The following SEZ6L variants were observed in gnomAD, a reference collection of about 807,000 sequenced individuals.
SEZ6L encodes the protein seizure 6-like protein.
In SEZ6L, 37 loss-of-function variants were observed where a neutral mutation model predicts 106.2. The ratio of observed to expected loss-of-function variants is 0.35; its 90% confidence interval spans 0.27 to 0.46. SEZ6L has a LOEUF of 0.46. Ranked by LOEUF, SEZ6L falls within the 20% of genes least tolerant of loss-of-function variation. The pLI is 1.00. For missense variants in SEZ6L, 1,172 were observed against 1,332.8 expected, an observed-to-expected ratio of 0.88 and a Z score of 1.88; for synonymous variants, 541 against 570.4, an observed-to-expected ratio of 0.95 and a Z score of 0.73.
rs145535041 is a variant in SEZ6L, at chr22:26,250,339, T to A, written c.95-42067T>A. ...CTTTATCATTTTGAGTTGATTTTTG[T>A]ATATGATAAGAGATAGGGGTCTACT... On this transcript the variant is annotated intron_variant, in intron 1 of 16. Coordinates refer to ENST00000248933, the MANE Select transcript of SEZ6L (RefSeq NM_021115.5). Among the ~76,000 whole-genome samples the A allele has an allele frequency of 3.1e-3, 469 of 152,324 alleles. 3 individuals carry two copies. Among genetic ancestry groups the A allele is most frequent in the African/African-American group, 0.01 (435 of 41,574 alleles).
chr22:26,376,863 A>G (rs1202933680), intron 15 of SEZ6L, among the ~76,000 whole-genome samples: 1 of 152,248 alleles, frequency 6.6e-6, no homozygotes, highest in Non-Finnish European at 1.5e-5. Context: ...CCCTGCCCTT[A>G]TGGAGCCCAC....
intron 12 of SEZ6L, chr22:26,364,706 G>C (rs987519797): frequency 6.6e-6 from 1 of 152,304 alleles, no homozygotes; most frequent in Non-Finnish European, 1.5e-5. Context: ...GCTCTGATAG[G>C]CTCATCTCCA....
intron 16 of SEZ6L, among the ~76,000 whole-genome samples, chr22:26,379,190 C>A (rs979172988): frequency 6.6e-6 from 1 of 152,256 alleles, no homozygotes; most frequent in Non-Finnish European, 1.5e-5. Flanking sequence ...CCCGCAGTTT[C>A]TTCCATGTGG....
At position 26,231,704 on chromosome 22, in the gene SEZ6L, G is replaced by A. The variant is rs201518656; in HGVS notation, c.95-60702G>A. Among the ~76,000 whole-genome samples the A allele has an allele frequency of 5.9e-5, 9 of 152,150 alleles. No individual in the cohort carries two copies. The East Asian group carries it at 1.7e-3, about 29-fold the overall frequency. On this transcript the variant is annotated intron_variant, in intron 1 of 16. Transcript: ENST00000248933. ...CCAGGAGACAGATCATTCATCACCCGCCCTGCCTTGGCATCTGGCTCCGCA... is the reference window on the plus strand; with the variant it reads ...CCAGGAGACAGATCATTCATCACCCACCCTGCCTTGGCATCTGGCTCCGCA...
At position 26,232,346 on chromosome 22, in the gene SEZ6L, TCACACACACACACACACACA is replaced by T. The variant is rs10654892; in HGVS notation, c.95-60030_95-60011del. On this transcript the variant is annotated intron_variant, in intron 1 of 16. Coordinates refer to ENST00000248933, the MANE Select transcript of SEZ6L (RefSeq NM_021115.5). ...TTAAGTCTCTCTCTCTCTCTGTCTT[TCACACACACACACACACACA>T]CACACACACACACACACACACACAC... Among the ~76,000 whole-genome samples the T allele has an allele frequency of 4.7e-4, 62 of 133,268 alleles. No homozygotes were observed. In the East Asian group the frequency reaches 5.0e-3, roughly 11 times the overall value. The allele number at this position is 133,268 out of a possible 152,430, so 87.4% of individuals were successfully genotyped here. A position where few individuals can be genotyped will look rare whatever the true frequency, so the allele number is the denominator to read the frequency against.
chr22:26,361,865 C>A (rs982825348), intron 12 of SEZ6L, among the ~76,000 whole-genome samples: 1 of 152,020 alleles, frequency 6.6e-6, no homozygotes, highest in South Asian at 2.1e-4. Flanking sequence ...GGGCACCTAC[C>A]CTGTACCAGG....
At chr22:26,292,043 G>A (rs570494488) in intron 1 of SEZ6L, among the ~76,000 whole-genome samples, 2 of 125,380 alleles carry the variant, frequency 1.6e-5, no homozygotes, top group East Asian at 4.0e-4. Context: ...AAGGATGGAT[G>A]GAAGGAAAGA....
At chr22:26,216,921 G>A (rs2078315402) in intron 1 of SEZ6L, among the ~76,000 whole-genome samples, 1 of 152,104 alleles carries the variant, frequency 6.6e-6, no homozygotes, top group Admixed American at 6.5e-5. Flanking sequence ...TAACCAGGAG[G>A]GAAGTGGTAG....
At chr22:26,348,600 G>GAGAA (rs1569473451) in intron 11 of SEZ6L, among the ~76,000 whole-genome samples, 1 of 65,542 alleles carries the variant, frequency 1.5e-5, no homozygotes, top group African/African-American at 9.4e-5. Context: ...AAGAAAGAAA[G>GAGAA]AAAGAAAGAG....
chr22:26,380,830 T>A lies in SEZ6L; in HGVS notation c.*535T>A, dbSNP rs921351095. On this transcript the variant is annotated 3_prime_UTR_variant, in exon 17 of 17. Coordinates refer to ENST00000248933, the MANE Select transcript of SEZ6L (RefSeq NM_021115.5). ...TCCCATTTTGCCAGCTTCTGAAAGGTTTTTCCACAGCCCCTCCCTCTCACG... is the reference window on the plus strand; with the variant it reads ...TCCCATTTTGCCAGCTTCTGAAAGGATTTTCCACAGCCCCTCCCTCTCACG... 4.6e-5 allele frequency: 7 copies of A among 152,782 alleles called. No homozygotes were observed. Among genetic ancestry groups the A allele is most frequent in the African/African-American group, 1.4e-4 (6 of 41,442 alleles). 9.5% of individuals were successfully genotyped at this position (152,782 alleles called of 1,614,324 possible). A position where few individuals can be genotyped will look rare whatever the true frequency, so the allele number is the denominator to read the frequency against.
intron 16 of SEZ6L, 90 bp downstream of exon 16, chr22:26,377,865 C>A: frequency 2.0e-6 from 2 of 1,008,670 alleles, no homozygotes; most frequent in Non-Finnish European, 3.1e-6. Flanking sequence ...TTTCCTATTG[C>A]TCACAAGAGG....
At chr22:26,246,181 T>C (rs2079336263) in intron 1 of SEZ6L, among the ~76,000 whole-genome samples, 1 of 152,220 alleles carries the variant, frequency 6.6e-6, no homozygotes, top group South Asian at 2.1e-4. Context: ...ACACTGGGTC[T>C]GGGTTCCATG....
intron 13 of SEZ6L, among the ~76,000 whole-genome samples, chr22:26,367,800 C>A (rs1455849926): frequency 6.6e-6 from 1 of 152,176 alleles, no homozygotes; most frequent in Non-Finnish European, 1.5e-5. Flanking sequence ...ATACTCTTAA[C>A]GCCCCCAGTT....
chr22:26,325,162 G>T (rs1229450996), intron 9 of SEZ6L, among the ~76,000 whole-genome samples: 3 of 152,176 alleles, frequency 2.0e-5, no homozygotes, highest in Admixed American at 6.5e-5. Flanking sequence ...AAGGCCTCTT[G>T]AGCCCACACT....
chr22:26,223,128 A>T (rs2078528842), intron 1 of SEZ6L, among the ~76,000 whole-genome samples: 1 of 152,204 alleles, frequency 6.6e-6, no homozygotes, highest in African/African-American at 2.4e-5. Flanking sequence ...GCTCACCCCA[A>T]ACGTGGTAGT....
chr22:26,237,556 C>A (rs2078991127), intron 1 of SEZ6L, among the ~76,000 whole-genome samples: 1 of 152,186 alleles, frequency 6.6e-6, no homozygotes. Context: ...TTCATATATG[C>A]AAAGTGCTTG....
Position 26,355,258 on chromosome 22 carries a change from C to T in SEZ6L, c.2599+4015C>T, listed in dbSNP as rs74582903. Among the ~76,000 whole-genome samples, 948 of 152,346 alleles carry T rather than the reference C, an allele frequency of 6.2e-3. 2 individuals are homozygous for T. Among genetic ancestry groups the T allele is most frequent in the Non-Finnish European group, 0.011 (728 of 68,032 alleles). On this transcript the variant is annotated intron_variant, in intron 12 of 16. Transcript: ENST00000248933. The stretch of plus-strand genomic sequence containing the variant: ...AAGAAGGACTGGAGAGGGTGAGTAG[C>T]TTTCCTGAGGTCACACAACAGAAAG...
At chr22:26,280,541 A>G (rs991817058) in intron 1 of SEZ6L, among the ~76,000 whole-genome samples, 2 of 152,210 alleles carry the variant, frequency 1.3e-5, no homozygotes, top group Admixed American at 1.3e-4. Context: ...TTTAGAAGGA[A>G]GAAGACTTCT....
chr22:26,205,895 A>G (rs1941247013), intron 1 of SEZ6L, among the ~76,000 whole-genome samples: 1 of 152,062 alleles, frequency 6.6e-6, no homozygotes, highest in Admixed American at 6.5e-5. Context: ...TGTCCAGGCC[A>G]CCATTCCCAC....
Sources: allele counts gnomAD v4.1 joint callset (sites outside exome capture counted in the v4.1 genomes callset), GRCh38; gene constraint gnomAD v4.1.1; transcripts MANE v1.5; gene names NCBI Gene and HGNC (gene_info 2026-07-23, HGNC 2026-07-21).